CHST11: variants seen among roughly 807,000 people sequenced by gnomAD.
The protein encoded by CHST11 is C4S-1.
Under a neutral mutation model 30.4 loss-of-function variants are expected in CHST11, and 9 were observed. That is an observed-to-expected ratio of 0.30 (90% CI 0.18 to 0.52). CHST11 has a LOEUF of 0.52. Among genes scored for constraint, CHST11 ranks in the 20% least tolerant of loss-of-function variants. The probability of loss-of-function intolerance (pLI) is 0.97; values close to 1 mark genes in which losing one functional copy is unlikely to be tolerated. For missense variants in CHST11, 348 were observed against 460.6 expected (o/e 0.76, Z 2.24); for synonymous variants, 152 against 187.8 (o/e 0.81, Z 1.56).
At chr12:104,551,051 T>TA (rs1181380927) in intron 1 of CHST11, among the ~76,000 whole-genome samples, 4 of 152,214 alleles carry the variant, frequency 2.6e-5, no homozygotes, top group Non-Finnish European at 4.4e-5. Context: ...GCTTATTTCT[T>TA]AGCACTTTTC....
chr12:104,491,248 C>T (rs1358199832), intron 1 of CHST11, among the ~76,000 whole-genome samples: 1 of 152,124 alleles, frequency 6.6e-6, no homozygotes, highest in African/African-American at 2.4e-5. Flanking sequence ...AATTGCCAGC[C>T]CTATTCACCA....
intron 2 of CHST11, among the ~76,000 whole-genome samples, chr12:104,747,988 C>T (rs1216330247): frequency 2.0e-5 from 3 of 152,210 alleles, no homozygotes; most frequent in African/African-American, 7.2e-5. Flanking sequence ...GTTACTTAAA[C>T]TAATTATGGT....
intron 1 of CHST11, among the ~76,000 whole-genome samples, chr12:104,529,536 A>G (rs1342290644): frequency 2.0e-5 from 3 of 152,230 alleles, no homozygotes; most frequent in Admixed American, 6.5e-5. Context: ...TCCGTGATAC[A>G]TGGTCAGGGT....
At chr12:104,471,035 T>C (rs2037503936) in intron 1 of CHST11, among the ~76,000 whole-genome samples, 1 of 152,206 alleles carries the variant, frequency 6.6e-6, no homozygotes, top group Non-Finnish European at 1.5e-5. Flanking sequence ...TGTGTTTAGA[T>C]GACGCTCATG....
intron 2 of CHST11, among the ~76,000 whole-genome samples, chr12:104,641,891 C>A (rs1007598241): frequency 5.3e-5 from 8 of 152,132 alleles, no homozygotes; most frequent in African/African-American, 1.9e-4. Context: ...ATCCTAAAGC[C>A]ATGGTTCTCA....
Position 104,464,046 on chromosome 12 carries a change from A to G in CHST11, c.118+6517A>G, listed in dbSNP as rs116021369. 7.1e-3 allele frequency among the ~76,000 whole-genome samples: 1,077 copies of G among 151,652 alleles called. 18 individuals are homozygous for G. The highest frequency in any genetic ancestry group is 0.025 in the African/African-American group (1,019 of 41,272). ...GGTGGAAGCAATGTAGCAAGATTGA[A>G]AATGAAGTCTCCTACTTGCACTTTT... is the stretch of plus-strand genomic sequence containing the variant. On this transcript the variant is annotated intron_variant, in intron 1 of 2. Transcript: ENST00000303694.
chr12:104,499,530 A>G (rs1593972864), intron 1 of CHST11, among the ~76,000 whole-genome samples: 1 of 152,314 alleles, frequency 6.6e-6, no homozygotes, highest in East Asian at 1.9e-4. Flanking sequence ...CCTCAGCAAG[A>G]AAACATTAAA....
intron 1 of CHST11, among the ~76,000 whole-genome samples, chr12:104,490,991 G>A (rs930148223): frequency 6.6e-6 from 1 of 150,858 alleles, no homozygotes; most frequent in African/African-American, 2.4e-5. Flanking sequence ...TGGAACAGGT[G>A]CTGTGCTGGG....
intron 1 of CHST11, among the ~76,000 whole-genome samples, chr12:104,574,525 A>C (rs1262563811): frequency 6.6e-6 from 1 of 152,210 alleles, no homozygotes; most frequent in Non-Finnish European, 1.5e-5. Context: ...AATACTATGC[A>C]GCCATAAAAA....
chr12:104,591,532 G>C (rs906935021), intron 1 of CHST11: 1 of 152,768 alleles, frequency 6.5e-6, no homozygotes, highest in Non-Finnish European at 1.5e-5. Context: ...CACTGTGATG[G>C]TGAACATTGT....
intron 1 of CHST11, among the ~76,000 whole-genome samples, chr12:104,594,304 A>G (rs1415412126): frequency 6.6e-6 from 1 of 152,150 alleles, no homozygotes; most frequent in African/African-American, 2.4e-5. Context: ...AAACCCTCAG[A>G]CTCCAAACAT....
At chr12:104,678,314 T>C (rs1283910678) in intron 2 of CHST11, among the ~76,000 whole-genome samples, 2 of 152,202 alleles carry the variant, frequency 1.3e-5, no homozygotes, top group African/African-American at 4.8e-5. Flanking sequence ...TTGTCTGGTG[T>C]CTCTCTCACC....
intron 2 of CHST11, among the ~76,000 whole-genome samples, chr12:104,666,060 C>T (rs1162314639): frequency 2.6e-5 from 4 of 151,982 alleles, no homozygotes; most frequent in African/African-American, 9.7e-5. Context: ...CCTCATGATT[C>T]GCCCGCCTCG....
intron 2 of CHST11, among the ~76,000 whole-genome samples, chr12:104,682,155 C>T (rs2136102903): frequency 1.3e-5 from 2 of 152,212 alleles, no homozygotes; most frequent in Middle Eastern, 6.8e-3. Context: ...TTAAAAAAGA[C>T]ACTGGCATAA....
chr12:104,516,806 C>G (rs1322182637), intron 1 of CHST11, among the ~76,000 whole-genome samples: 2 of 151,818 alleles, frequency 1.3e-5, no homozygotes, highest in African/African-American at 4.8e-5. Flanking sequence ...GCAGAAGGGG[C>G]ACATTAGGAG....
chr12:104,565,265 T>G (rs1036002115), intron 1 of CHST11, among the ~76,000 whole-genome samples: 5 of 141,676 alleles, frequency 3.5e-5, no homozygotes, highest in African/African-American at 1.3e-4. Flanking sequence ...AGGATTTTTT[T>G]TTTTTTTTTT....
chr12:104,621,692 A>G (rs1383884703), intron 2 of CHST11, among the ~76,000 whole-genome samples: 1 of 152,260 alleles, frequency 6.6e-6, no homozygotes, highest in Non-Finnish European at 1.5e-5. Context: ...GAAAAGGCAC[A>G]GAACAGATTT....
chr12:104,681,356 G>A (rs1055341896), intron 2 of CHST11, among the ~76,000 whole-genome samples: 1 of 152,198 alleles, frequency 6.6e-6, no homozygotes, highest in African/African-American at 2.4e-5. Flanking sequence ...CATATGATAT[G>A]ATTCTATTAA....
Position 104,473,702 on chromosome 12 carries a change from A to T in CHST11, c.118+16173A>T, listed in dbSNP as rs148320853. Among the ~76,000 whole-genome samples the T allele has an allele frequency of 3.2e-4, 49 of 152,106 alleles. 1 individual carries two copies. The East Asian group carries it at 8.9e-3, about 28-fold the overall frequency. On this transcript the variant is annotated intron_variant, in intron 1 of 2. Coordinates refer to ENST00000303694, the MANE Select transcript of CHST11 (RefSeq NM_018413.6). ...GGGAGAGGGCATGGGGCTATTGTAGAGCTCATACACAATGTAAAAAGGCAT... is the reference window on the plus strand; with the variant it reads ...GGGAGAGGGCATGGGGCTATTGTAGTGCTCATACACAATGTAAAAAGGCAT...
Sources: gnomAD v4.1 joint callset for allele counts (sites outside exome capture counted in the v4.1 genomes callset) on GRCh38, gnomAD v4.1.1 for gene constraint, MANE v1.5 for transcripts, NCBI Gene and HGNC (gene_info 2026-07-23, HGNC 2026-07-21) for gene names.